The following RIMS1 variants were observed in gnomAD, a reference collection of about 807,000 sequenced individuals.
RIMS1 encodes the protein regulating synaptic membrane exocytosis 1, also known as regulating synaptic membrane exocytosis protein 1.
Under a neutral mutation model 214.1 loss-of-function variants are expected in RIMS1, and 83 were observed. That is an observed-to-expected ratio of 0.39 (90% CI 0.32 to 0.47). The LOEUF (loss-of-function observed/expected upper bound fraction) is 0.47, where lower values mean the gene tolerates loss of function less well. RIMS1 is among the 20% of genes least tolerant of loss of function. RIMS1 has a pLI of 0.99. For missense variants in RIMS1, 2,050 were observed against 2,161.8 expected (o/e 0.95, Z 1.03); for synonymous variants, 793 against 786.8 (o/e 1.01, Z -0.13).
intron 6 of RIMS1, among the ~76,000 whole-genome samples, chr6:72,203,089 G>A (rs971539677): frequency 2.6e-5 from 4 of 152,094 alleles, no homozygotes; most frequent in Non-Finnish European, 4.4e-5. Flanking sequence ...CTAGGTTCAC[G>A]CCATTCTCCT....
At chr6:71,948,083 A>G (rs1788425665) in intron 1 of RIMS1, among the ~76,000 whole-genome samples, 1 of 152,176 alleles carries the variant, frequency 6.6e-6, no homozygotes, top group Non-Finnish European at 1.5e-5. Context: ...ATTTCATGAG[A>G]CATCAATTGA....
At chr6:72,306,679 G>T (rs1266260066) in intron 26 of RIMS1, among the ~76,000 whole-genome samples, 24 of 152,158 alleles carry the variant, frequency 1.6e-4, no homozygotes, top group Admixed American at 1.6e-3. Flanking sequence ...AAGGAATAGT[G>T]AGCTAATCTT....
chr6:71,939,494 C>A (rs568567790), intron 1 of RIMS1, among the ~76,000 whole-genome samples: 80 of 152,288 alleles, frequency 5.3e-4, no homozygotes, highest in South Asian at 4.6e-3. Context: ...CTGTTTTCTG[C>A]AGCTATTACA....
At chr6:71,897,013 A>G (rs576869485) in intron 1 of RIMS1, among the ~76,000 whole-genome samples, 11 of 152,274 alleles carry the variant, frequency 7.2e-5, no homozygotes, top group Admixed American at 1.3e-4. Flanking sequence ...TGAGTGTCCT[A>G]TAGGCACTTC....
chr6:72,268,274 T>G (rs9341370), intron 22 of RIMS1, among the ~76,000 whole-genome samples: 149,640 of 152,172 alleles, frequency 0.98, 73,623 homozygotes, highest in East Asian at 1. Context: ...GCGGAGAGTA[T>G]GAGAAGGGAG....
chr6:72,353,987 A>T (rs952451518), intron 29 of RIMS1, among the ~76,000 whole-genome samples: 1 of 152,192 alleles, frequency 6.6e-6, no homozygotes, highest in South Asian at 2.1e-4. Context: ...TGGGAGGCCG[A>T]GGAAGGTGAA....
intron 26 of RIMS1, among the ~76,000 whole-genome samples, chr6:72,294,493 C>A (rs2093832910): frequency 6.6e-6 from 1 of 151,732 alleles, no homozygotes; most frequent in East Asian, 1.9e-4. Context: ...TTGGTAAGAA[C>A]AAATATTTCA....
chr6:72,287,431 T>A (rs769107553), intron 24 of RIMS1, among the ~76,000 whole-genome samples: 7 of 152,150 alleles, frequency 4.6e-5, no homozygotes, highest in Non-Finnish European at 8.8e-5. Context: ...ACGCAAATTT[T>A]TATTGAGAAG....
At chr6:71,911,624 C>T (rs896680341) in intron 1 of RIMS1, among the ~76,000 whole-genome samples, 5 of 152,094 alleles carry the variant, frequency 3.3e-5, no homozygotes, top group Admixed American at 2.6e-4. Context: ...TGGATCAACT[C>T]TATGGAAATA....
intron 1 of RIMS1, among the ~76,000 whole-genome samples, chr6:71,897,098 G>A (rs1222370019): frequency 6.6e-6 from 1 of 152,052 alleles, no homozygotes; most frequent in African/African-American, 2.4e-5. Context: ...TTGTCTGTGT[G>A]GGTAGCATCA....
At chr6:72,194,684 T>C (rs2050594069) in intron 6 of RIMS1, among the ~76,000 whole-genome samples, 1 of 152,186 alleles carries the variant, frequency 6.6e-6, no homozygotes, top group Admixed American at 6.6e-5. Flanking sequence ...CAAAATGGCA[T>C]CTGAAAGATA....
chr6:71,981,155 GCTGATTTT>G (rs1798379028), intron 2 of RIMS1, among the ~76,000 whole-genome samples: 1 of 152,008 alleles, frequency 6.6e-6, no homozygotes, highest in Admixed American at 6.6e-5. Context: ...TTAGCTTTTT[GCTGATTTT>G]CTATCAACTC....
chr6:71,958,184 T>A (rs1265157350), intron 1 of RIMS1, among the ~76,000 whole-genome samples: 2 of 152,142 alleles, frequency 1.3e-5, no homozygotes, highest in African/African-American at 2.4e-5. Flanking sequence ...TGGTTGGTGA[T>A]CATAACATTT....
intron 2 of RIMS1, among the ~76,000 whole-genome samples, chr6:72,006,397 C>T (rs1034450276): frequency 6.6e-6 from 1 of 152,174 alleles, no homozygotes; most frequent in African/African-American, 2.4e-5. Context: ...CAGCTCCCAG[C>T]GTGAGCAACG....
At chr6:72,375,751 T>G (rs2098357309) in intron 29 of RIMS1, among the ~76,000 whole-genome samples, 1 of 151,882 alleles carries the variant, frequency 6.6e-6, no homozygotes, top group Admixed American at 6.6e-5. Flanking sequence ...TGGATTGGAT[T>G]TGGATTGCTT....
At chr6:71,933,682 T>TCA (rs10642216) in intron 1 of RIMS1, among the ~76,000 whole-genome samples, 36,480 of 138,998 alleles carry the variant, frequency 0.26, 4,677 homozygotes, top group African/African-American at 0.28. Context: ...TCTTCCTCAA[T>TCA]CACACACACA....
chr6:72,230,393 T>C (rs931446756), intron 6 of RIMS1, among the ~76,000 whole-genome samples: 1 of 151,704 alleles, frequency 6.6e-6, no homozygotes, highest in Non-Finnish European at 1.5e-5. Context: ...TACCTGCACA[T>C]TAGGTACACA....
At chr6:72,146,829 A>G (rs186102167) in intron 4 of RIMS1, among the ~76,000 whole-genome samples, 1 of 152,350 alleles carries the variant, frequency 6.6e-6, no homozygotes, top group East Asian at 1.9e-4. Flanking sequence ...TATTTTAAGT[A>G]GTCTCAATTA....
chr6:72,197,750 A>G (rs1170803556), intron 6 of RIMS1, among the ~76,000 whole-genome samples: 2 of 152,092 alleles, frequency 1.3e-5, no homozygotes, highest in Non-Finnish European at 2.9e-5. Context: ...AGCTGAAGTA[A>G]AAGTGATGAA....
Sources: gnomAD v4.1 joint callset for allele counts (sites outside exome capture counted in the v4.1 genomes callset) on GRCh38, gnomAD v4.1.1 for gene constraint, MANE v1.5 for transcripts, NCBI Gene and HGNC (gene_info 2026-07-23, HGNC 2026-07-21) for gene names.